The following ANKRD33B variants were observed in gnomAD, a reference collection of about 807,000 sequenced individuals.
ANKRD33B encodes ankyrin repeat domain 33B.
Under a neutral mutation model 21.5 loss-of-function variants are expected in ANKRD33B, and 6 were observed. The observed-to-expected ratio is 0.28, with a 90% CI of 0.15 to 0.55. ANKRD33B has a LOEUF of 0.55. ANKRD33B is among the 20% of genes least tolerant of loss of function. ANKRD33B has a pLI of 0.94. For missense variants in ANKRD33B, 698 were observed against 747.2 expected (o/e 0.93, Z 0.77); for synonymous variants, 347 against 342.4 (o/e 1.01, Z -0.15).
Position 10,625,088 on chromosome 5 carries a change from C to T in ANKRD33B, c.496+6626C>T, listed in dbSNP as rs879141696. 6 of 254,458 alleles carry T rather than the reference C, an allele frequency of 2.4e-5. No homozygotes were observed. The Admixed American group carries it at 3.0e-4, about 13-fold the overall frequency. 15.8% of individuals were successfully genotyped at this position (254,458 alleles called of 1,614,324 possible). The stretch of plus-strand genomic sequence containing the variant: ...TGTTGTCAGACAGACACAGAGGCAT[C>T]ACGGAATTAAAGTGAAAATGAGGAA... On this transcript the variant is annotated intron_variant, in intron 2 of 3. Transcript: ENST00000296657.
At chr5:10,589,190 C>T (rs568903445) in intron 1 of ANKRD33B, among the ~76,000 whole-genome samples, 1 of 152,126 alleles carries the variant, frequency 6.6e-6, no homozygotes, top group Non-Finnish European at 1.5e-5. Context: ...ACCTAGGTAA[C>T]CCCATAAAGG....
intron 1 of ANKRD33B, among the ~76,000 whole-genome samples, chr5:10,614,762 C>T (rs749424656): frequency 3.3e-5 from 5 of 152,184 alleles, no homozygotes; most frequent in African/African-American, 4.8e-5. Flanking sequence ...TGGCAGGCAC[C>T]TGTAGTCCTA....
At chr5:10,607,442 C>T (rs1164153191) in intron 1 of ANKRD33B, among the ~76,000 whole-genome samples, 5 of 152,212 alleles carry the variant, frequency 3.3e-5, no homozygotes, top group African/African-American at 1.2e-4. Flanking sequence ...TGCTATTTCA[C>T]TTACGTTTAA....
At chr5:10,585,841 G>A (rs1195982833) in intron 1 of ANKRD33B, among the ~76,000 whole-genome samples, 2 of 152,196 alleles carry the variant, frequency 1.3e-5, no homozygotes, top group African/African-American at 4.8e-5. Context: ...CTGACAGATG[G>A]GACTCACTGC....
chr5:10,599,471 C>G (rs552207965), intron 1 of ANKRD33B, among the ~76,000 whole-genome samples: 1 of 152,310 alleles, frequency 6.6e-6, no homozygotes, highest in Admixed American at 6.5e-5. Flanking sequence ...CCTCTCCCCC[C>G]AGTCCCTCTT....
At chr5:10,611,095 T>G (rs1032495212) in intron 1 of ANKRD33B, among the ~76,000 whole-genome samples, 2 of 152,086 alleles carry the variant, frequency 1.3e-5, no homozygotes, top group Non-Finnish European at 2.9e-5. Context: ...TACATGCATA[T>G]GTAATAAAAA....
chr5:10,579,353 G>T (rs1735391749), intron 1 of ANKRD33B, among the ~76,000 whole-genome samples: 2 of 143,016 alleles, frequency 1.4e-5, no homozygotes, highest in South Asian at 2.2e-4. Context: ...CTAAGTAATG[G>T]TTTTTTTTTT....
Position 10,624,615 on chromosome 5 carries a change from A to G in ANKRD33B, c.496+6153A>G, listed in dbSNP as rs1421560573. 3.6e-5 allele frequency: 14 copies of G among 388,218 alleles called. No individual in the cohort carries two copies. In the East Asian group the frequency reaches 1.0e-3, roughly 28 times the overall value. The allele number at this position is 388,218 out of a possible 1,614,324, so 24.0% of individuals were successfully genotyped here. A position where few individuals can be genotyped will look rare whatever the true frequency, so the allele number is the denominator to read the frequency against. The stretch of plus-strand genomic sequence containing the variant: ...GGTTGCATACGGAGGCAGAGGGGAG[A>G]GGGACTTTACACCATTTAAACAAAC... On this transcript the variant is annotated intron_variant, in intron 2 of 3. Coordinates refer to ENST00000296657, the MANE Select transcript of ANKRD33B (RefSeq NM_001164440.2).
Position 10,570,097 on chromosome 5 carries a change from G to A in ANKRD33B, c.366+5264G>A, listed in dbSNP as rs550732759. Reference sequence around the variant, plus strand: ...GCGCCATGTTGGCCAGGCTGGTCTCGAACTCCTGAGCTCAAGTGATCCACC... The same window carrying A: ...GCGCCATGTTGGCCAGGCTGGTCTCAAACTCCTGAGCTCAAGTGATCCACC... On this transcript the variant is annotated intron_variant, in intron 1 of 3. Coordinates refer to ENST00000296657, the MANE Select transcript of ANKRD33B (RefSeq NM_001164440.2). Among the ~76,000 whole-genome samples, 19 of 152,028 alleles carry A rather than the reference G, an allele frequency of 1.2e-4. No individual in the cohort carries two copies. The South Asian group carries it at 1.7e-3, about 13-fold the overall frequency.
At position 10,649,370 on chromosome 5, in the gene ANKRD33B, G is replaced by A. The variant is rs562867562; in HGVS notation, c.742G>A (p.Glu248Lys). The A allele has an allele frequency of 3.0e-5, 46 of 1,535,504 alleles. No homozygotes were observed. The East Asian group carries it at 1.0e-3, about 33-fold the overall frequency. The change falls in exon 4 of 4, where the codon GAG becomes AAG. Residue 248 changes from glutamate to lysine, a missense_variant. Physicochemically the swap from Glu to Lys is moderately conservative, Grantham distance 56. Transcript: ENST00000296657. ...CGTCCGTCTCATGCAGAGGCTGCTGGAGCGCCCCTGCCCGGAGCAGTTCTG... is the reference window on the plus strand; with the variant it reads ...CGTCCGTCTCATGCAGAGGCTGCTGAAGCGCCCCTGCCCGGAGCAGTTCTG... ...DAVRLMQRLL[E>K]RPCPEQFWEK...
rs752634050 is a variant in ANKRD33B at position 10,650,057 on chromosome 5, C to T, written c.1429C>T (p.Arg477Cys). ...GAAGGCAGAGGAGGCCGAAAAGAAG[C>T]GCCAGGCCGAGGCGCAGAAGGAGAG... The part of the protein sequence containing the change: ...KRKAEEAEKK[R>C]QAEAQKERRT... The change falls in exon 4 of 4, where the codon CGC (arginine) becomes TGC (cysteine). Residue 477 changes from arginine (R) to cysteine (C), a missense_variant. Arg to Cys is a radical substitution (Grantham distance 180). Transcript: ENST00000296657. 9 of 1,530,384 alleles carry T rather than the reference C, an allele frequency of 5.9e-6. No individual in the cohort carries two copies. Among genetic ancestry groups the T allele is most frequent in the South Asian group, 1.2e-5 (1 of 83,624 alleles). The allele number at this position is 1,530,384 out of a possible 1,614,324, so 94.8% of individuals were successfully genotyped here.
chr5:10,645,745 G>A (rs776927691), intron 3 of ANKRD33B, among the ~76,000 whole-genome samples: 24 of 152,196 alleles, frequency 1.6e-4, no homozygotes, highest in Admixed American at 8.5e-4. Flanking sequence ...GGTCCCTTTC[G>A]TCAGGAGGCA....
chr5:10,622,522 A>G (rs1053737481), intron 2 of ANKRD33B, among the ~76,000 whole-genome samples: 9 of 152,190 alleles, frequency 5.9e-5, no homozygotes, highest in Non-Finnish European at 8.8e-5. Context: ...CCAGATTTCA[A>G]ATTGCTTCCC....
intron 1 of ANKRD33B, among the ~76,000 whole-genome samples, chr5:10,565,832 G>A (rs1735036832): frequency 6.6e-6 from 1 of 152,224 alleles, no homozygotes; most frequent in Non-Finnish European, 1.5e-5. Flanking sequence ...AAGGACCGTG[G>A]TATCTGCAGA....
chr5:10,635,232 G>A (rs74740120), intron 2 of ANKRD33B, among the ~76,000 whole-genome samples: 9,748 of 152,254 alleles, frequency 0.064, 383 homozygotes, highest in Middle Eastern at 0.17. Flanking sequence ...TTAAAGAAAT[G>A]GCTCCAAAGG....
chr5:10,600,554 A>G (rs1489297602), intron 1 of ANKRD33B, among the ~76,000 whole-genome samples: 1 of 152,224 alleles, frequency 6.6e-6, no homozygotes, highest in East Asian at 1.9e-4. Flanking sequence ...GACTTTGCTT[A>G]TCTAGTCTCT....
intron 1 of ANKRD33B, among the ~76,000 whole-genome samples, chr5:10,571,879 T>G (rs957046230): frequency 7.9e-6 from 1 of 127,376 alleles, no homozygotes; most frequent in South Asian, 2.7e-4. Context: ...AAGGCATCCG[T>G]ATTTTCTTTT....
chr5:10,614,948 C>A (rs967458483), intron 1 of ANKRD33B, among the ~76,000 whole-genome samples: 2 of 151,880 alleles, frequency 1.3e-5, no homozygotes, highest in Non-Finnish European at 2.9e-5. Context: ...CCCAAGGTGG[C>A]TGTCAGCAGG....
In ANKRD33B at chr5:10,564,486, A is replaced by G. The variant is rs2126538959; in HGVS notation, c.19A>G (p.Thr7Ala). 1 of 1,488,016 alleles carries G rather than the reference A, an allele frequency of 6.7e-7. No individual in the cohort carries two copies. 92.2% of individuals were successfully genotyped at this position (1,488,016 alleles called of 1,614,324 possible). A position where few individuals can be genotyped will look rare whatever the true frequency, so the allele number is the denominator to read the frequency against. The change falls in exon 1 of 4, where the codon ACC becomes GCC. Residue 7 changes from threonine (T) to alanine (A), a missense_variant. By Grantham distance (58) the Thr-to-Ala change is moderately conservative. Around this residue, in one of 3 missense-constraint regions of ANKRD33B, gnomAD observed 148 missense variants for 154.9 expected, o/e 0.96. Transcript: ENST00000296657. MVLLAGTGPEGGGARCM... is the reference protein window; with the variant it reads MVLLAGAGPEGGGARCM... ...CGCCGGCATGGTGCTGCTGGCCGGG[A>G]CCGGGCCGGAGGGCGGCGGGGCGCG... is the stretch of plus-strand genomic sequence containing the variant.
Sources: gnomAD v4.1 joint callset for allele counts (sites outside exome capture counted in the v4.1 genomes callset) on GRCh38, gnomAD v4.1.1 for gene constraint, gnomAD v4.1.1 regional missense constraint, MANE v1.5 for transcripts, NCBI Gene and HGNC (gene_info 2026-07-23, HGNC 2026-07-21) for gene names.